Variants in GFRA1 observed in about 807,000 individuals in gnomAD.
The protein encoded by GFRA1 is GDNF family receptor alpha 1.
Under a neutral mutation model 51.6 loss-of-function variants are expected in GFRA1, and 16 were observed. That is an observed-to-expected ratio of 0.31 (90% CI 0.21 to 0.47). The LOEUF is 0.47. Ranked by LOEUF, GFRA1 falls within the 20% of genes least tolerant of loss-of-function variation. GFRA1 has a pLI of 1.00. For synonymous variants in GFRA1, 270 were observed against 241.3 expected (o/e 1.12, Z -1.10); for missense variants, 530 against 594.3 (o/e 0.89, Z 1.13).
intron 4 of GFRA1, among the ~76,000 whole-genome samples, chr10:116,223,112 A>T (rs1382692495): frequency 6.6e-6 from 1 of 152,130 alleles, no homozygotes; most frequent in African/African-American, 2.4e-5. Context: ...CTGGATTCTA[A>T]AACTCAAAAA....
chr10:116,094,827 G>T (rs1187203709), intron 7 of GFRA1, among the ~76,000 whole-genome samples: 1 of 152,182 alleles, frequency 6.6e-6, no homozygotes, highest in Non-Finnish European at 1.5e-5. Flanking sequence ...ACTGCATAGA[G>T]GGAACTCCTA....
chr10:116,095,957 C>T (rs999974239), intron 7 of GFRA1, among the ~76,000 whole-genome samples: 1 of 152,146 alleles, frequency 6.6e-6, no homozygotes, highest in African/African-American at 2.4e-5. Context: ...TGCCTTTCCC[C>T]CTGACAGCCC....
intron 5 of GFRA1, among the ~76,000 whole-genome samples, chr10:116,166,133 C>G (rs1960374462): frequency 6.6e-6 from 1 of 152,222 alleles, no homozygotes; most frequent in Non-Finnish European, 1.5e-5. Flanking sequence ...TGATCTCAGT[C>G]TTGTTTATGG....
At chr10:116,212,523 AACACACACACACACACACACAC>A (rs71010072) in intron 4 of GFRA1, among the ~76,000 whole-genome samples, 2 of 142,702 alleles carry the variant, frequency 1.4e-5, no homozygotes, top group African/African-American at 5.2e-5. Context: ...TCCGTCTCAA[AACACACACACACACACACACAC>A]ACACACACAC....
chr10:116,138,492 A>G (rs1958424141), intron 5 of GFRA1, among the ~76,000 whole-genome samples: 1 of 152,110 alleles, frequency 6.6e-6, no homozygotes, highest in South Asian at 2.1e-4. Flanking sequence ...TTCCGTCCTC[A>G]TTCCATGAAG....
At chr10:116,270,637 C>T (rs1324735744) in intron 3 of GFRA1, among the ~76,000 whole-genome samples, 185 bp downstream of exon 3, 1 of 152,186 alleles carries the variant, frequency 6.6e-6, no homozygotes, top group Admixed American at 6.5e-5. Context: ...TTTCCAACAA[C>T]AGGCCCAACA....
At chr10:116,141,504 G>C (rs1167280749) in intron 5 of GFRA1, among the ~76,000 whole-genome samples, 1 of 152,094 alleles carries the variant, frequency 6.6e-6, no homozygotes, top group African/African-American at 2.4e-5. Context: ...AGTAACTAGA[G>C]GCAGGGAAAC....
In GFRA1 at chr10:116,059,366, G is replaced by A. The variant is rs1415150763; in HGVS notation, c.*5032C>T. On this transcript the variant is annotated 3_prime_UTR_variant, in exon 11 of 11. Transcript: ENST00000355422. ...GGGGATTGGTAAGAAAGCCTAGCCTGAGAGGAAGAGAAGAAAATCAGAGAA... is the reference window on the plus strand; with the variant it reads ...GGGGATTGGTAAGAAAGCCTAGCCTAAGAGGAAGAGAAGAAAATCAGAGAA... 6.6e-6 allele frequency: 1 copy of A among 152,298 alleles called. No individual in the cohort carries two copies. Among genetic ancestry groups the A allele is most frequent in the Non-Finnish European group, 1.5e-5 (1 of 68,094 alleles). The allele number at this position is 152,298 out of a possible 1,614,324, so 9.4% of individuals were successfully genotyped here.
chr10:116,272,447 G>A lies in GFRA1; in HGVS notation c.-246-172C>T, dbSNP rs894244174. 1.3e-5 allele frequency: 4 copies of A among 309,266 alleles called. No individual in the cohort carries two copies. The highest frequency in any genetic ancestry group is 8.8e-5 in the Admixed American group (2 of 22,750). The allele number at this position is 309,266 out of a possible 1,614,324, so 19.2% of individuals were successfully genotyped here. A position where few individuals can be genotyped will look rare whatever the true frequency, so the allele number is the denominator to read the frequency against. On this transcript the variant is annotated intron_variant, in intron 1 of 10. Coordinates refer to ENST00000355422, the MANE Select transcript of GFRA1 (RefSeq NM_005264.8). This position sits in a 1 kb window ranked among gnomAD's most constrained non-coding sequence, Gnocchi z 4.4. ...CGTGTTTTCCAGGGGCCGCTGACAC[G>A]GGGATGGAGGTGAGGGCTGGAGAGG...
rs950297776 is a variant in GFRA1 at position 116,259,356 on chromosome 10, A to G, written c.418+10147T>C. On this transcript the variant is annotated intron_variant, in intron 4 of 10. Transcript: ENST00000355422. ...TTTTTTTTTAACATTGTGTAATGCT[A>G]TTTATACGACAACATGACAAAAAAT... 9.2e-4 allele frequency among the ~76,000 whole-genome samples: 133 copies of G among 144,108 alleles called. 1 individual carries two copies. Among genetic ancestry groups the G allele is most frequent in the African/African-American group, 3.2e-3 (126 of 38,888 alleles). The allele number at this position is 144,108 out of a possible 152,430, so 94.5% of individuals were successfully genotyped here.
At chr10:116,237,402 G>A (rs1966957477) in intron 4 of GFRA1, among the ~76,000 whole-genome samples, 1 of 152,114 alleles carries the variant, frequency 6.6e-6, no homozygotes. Context: ...TAAGTGTCTT[G>A]TGCAAAGTCA....
chr10:116,108,000 A>C (rs1957067466), intron 6 of GFRA1, among the ~76,000 whole-genome samples: 1 of 152,074 alleles, frequency 6.6e-6, no homozygotes, highest in South Asian at 2.1e-4. Flanking sequence ...CGTGCCTTGG[A>C]ATATTAATTT....
intron 5 of GFRA1, among the ~76,000 whole-genome samples, chr10:116,209,264 A>T (rs1426941025): frequency 2.0e-5 from 3 of 152,222 alleles, no homozygotes; most frequent in Non-Finnish European, 2.9e-5. Flanking sequence ...CTGTAATGAA[A>T]TATAAGATAA....
intron 4 of GFRA1, among the ~76,000 whole-genome samples, chr10:116,261,559 T>TATCTTCTTCCATGTATTCA (rs1224971798): frequency 2.0e-5 from 3 of 152,240 alleles, no homozygotes; most frequent in Non-Finnish European, 4.4e-5. Context: ...TTTTGTACTT[T>TATCTTCTTCCATGTATTCA]ATCTTCTTCC....
At chr10:116,184,662 A>G (rs1471557950) in intron 5 of GFRA1, among the ~76,000 whole-genome samples, 3 of 152,204 alleles carry the variant, frequency 2.0e-5, no homozygotes, top group African/African-American at 7.2e-5. Flanking sequence ...GCTCTATTTA[A>G]CATGTCTCAT....
chr10:116,094,200 CG>C (rs1956478856), intron 7 of GFRA1, among the ~76,000 whole-genome samples: 1 of 152,030 alleles, frequency 6.6e-6, no homozygotes, highest in Admixed American at 6.6e-5. Flanking sequence ...TAGATAGAGC[CG>C]GGTTTACATA....
In GFRA1 at chr10:116,135,620, TTATAA is replaced by T. The variant is rs147048090; in HGVS notation, c.434-10068_434-10064del. On this transcript the variant is annotated intron_variant, in intron 5 of 10. Transcript: ENST00000355422. ...ATTCCTCAAGTATAGAGAGGCACAATTATAATATTAGACATAAAAACACTCATTAA... is the reference window on the plus strand; with the variant it reads ...ATTCCTCAAGTATAGAGAGGCACAATTATTAGACATAAAAACACTCATTAA... Among the ~76,000 whole-genome samples, 957 of 152,300 alleles carry T rather than the reference TTATAA, an allele frequency of 6.3e-3. 14 individuals are homozygous for T. Among genetic ancestry groups the T allele is most frequent in the African/African-American group, 0.022 (921 of 41,546 alleles).
In GFRA1 at chr10:116,125,571, G is replaced by GA; in HGVS notation, c.434-15dup. The GA allele has an allele frequency of 1.9e-6, 3 of 1,600,136 alleles. No individual in the cohort carries two copies. Among genetic ancestry groups the GA allele is most frequent in the Non-Finnish European group, 2.6e-6 (3 of 1,169,790 alleles). On this transcript the variant is annotated splice_polypyrimidine_tract_variant and intron_variant, in intron 5 of 10. Transcript: ENST00000355422. ...GAATGTGCTCCACTGCAAATGCAGA[G>GA]AAAGACAGGCATGGTCACAGTGCTC...
chr10:116,272,524 G>A lies in GFRA1; in HGVS notation c.-246-249C>T, dbSNP rs746374113. The A allele has an allele frequency of 1.8e-4, 29 of 157,952 alleles. No homozygotes were observed. The highest frequency in any genetic ancestry group is 3.3e-4 in the Non-Finnish European group (24 of 71,792). 9.8% of individuals were successfully genotyped at this position (157,952 alleles called of 1,614,324 possible). Reference sequence around the variant, plus strand: ...GGGGTGTCTGTTGGGTTCAACCCGAGACGCTGAACGCAAGCAAATAAATAA... The same window carrying A: ...GGGGTGTCTGTTGGGTTCAACCCGAAACGCTGAACGCAAGCAAATAAATAA... On this transcript the variant is annotated intron_variant, in intron 1 of 10. Transcript: ENST00000355422. The surrounding 1 kb of genome is among the most constrained non-coding windows in gnomAD (Gnocchi z 4.4).
Sources: gnomAD v4.1 joint callset for allele counts (sites outside exome capture counted in the v4.1 genomes callset) on GRCh38, gnomAD v4.1.1 for gene constraint, Gnocchi (gnomAD v3.1) non-coding constraint, MANE v1.5 for transcripts, NCBI Gene and HGNC (gene_info 2026-07-23, HGNC 2026-07-21) for gene names.